PADI6: variants seen among roughly 807,000 people sequenced by gnomAD.
PADI6 encodes the protein peptidyl arginine deiminase 6.
PADI6 carries 66 observed loss-of-function variants against 78.2 expected under a neutral mutation model. That is an observed-to-expected ratio of 0.84 (90% CI 0.69 to 1.04). The LOEUF is 1.04. Among genes scored for constraint, PADI6 ranks in the 50% least tolerant of loss-of-function variants. PADI6 has a pLI of 0.00. For synonymous variants in PADI6, 397 were observed against 346.9 expected (o/e 1.14, Z -1.60); for missense variants, 854 against 866.1 (o/e 0.99, Z 0.18).
chr1:17,379,144 T>C (rs1409975293), intron 3 of PADI6, among the ~76,000 whole-genome samples: 3 of 122,362 alleles, frequency 2.5e-5, no homozygotes, highest in Non-Finnish European at 4.8e-5. Flanking sequence ...AGACGGAGTC[T>C]CGCTGTCGCC....
At chr1:17,372,960 T>G in intron 1 of PADI6, 96 bp from the exon 2 acceptor site, 1 of 1,282,262 alleles carries the variant, frequency 7.8e-7, no homozygotes, top group Non-Finnish European at 1.1e-6. Context: ...CTAAGGAGAA[T>G]GAGGATTCGG....
Position 17,394,095 on chromosome 1 carries a change from G to A in PADI6, c.1182+13G>A, listed in dbSNP as rs193052775. 6 of 1,610,240 alleles carry A rather than the reference G, an allele frequency of 3.7e-6. No homozygotes were observed. The highest frequency in any genetic ancestry group is 5.1e-6 in the Non-Finnish European group (6 of 1,176,516). On this transcript the variant is annotated intron_variant, in intron 10 of 15. Transcript: ENST00000619609. ...GAAGTACTCACTGGTGTGGAACTTGGTTTGGCTAATCTGAGCTCAGTCCAA... is the reference window on the plus strand; with the variant it reads ...GAAGTACTCACTGGTGTGGAACTTGATTTGGCTAATCTGAGCTCAGTCCAA...
At chr1:17,397,184 T>C (rs920785539) in intron 14 of PADI6, 43 bp downstream of exon 14, 1 of 1,603,190 alleles carries the variant, frequency 6.2e-7, no homozygotes, top group Admixed American at 1.7e-5. Context: ...AAAGAGCTGG[T>C]GCCGCAGGTC....
At chr1:17,387,368 C>T (rs1360261751) in intron 6 of PADI6, among the ~76,000 whole-genome samples, 1 of 151,652 alleles carries the variant, frequency 6.6e-6, no homozygotes, top group Non-Finnish European at 1.5e-5. Context: ...TTGCTTGAAC[C>T]CAGGAGATGG....
chr1:17,388,600 C>T (rs777115141), intron 7 of PADI6, 41 bp downstream of exon 7: 20 of 1,539,154 alleles, frequency 1.3e-5, no homozygotes, highest in Admixed American at 1.8e-5. Flanking sequence ...CTAGGATGCT[C>T]CGGTGGGGGA....
intron 6 of PADI6, among the ~76,000 whole-genome samples, chr1:17,384,802 T>C (rs1479103577): frequency 6.6e-6 from 1 of 152,154 alleles, no homozygotes. Flanking sequence ...ATCCTCAGAA[T>C]GGCAGTCATC....
intron 4 of PADI6, among the ~76,000 whole-genome samples, chr1:17,380,430 C>T (rs902744375): frequency 4.6e-5 from 7 of 151,838 alleles, no homozygotes; most frequent in African/African-American, 1.5e-4. Flanking sequence ...TGCAGTGGCA[C>T]GATCTCAGCT....
chr1:17,394,887 A>G (rs1195709698), intron 11 of PADI6, 64 bp from the exon 12 acceptor site: 2 of 1,485,928 alleles, frequency 1.3e-6, no homozygotes, highest in Non-Finnish European at 1.8e-6. Flanking sequence ...CATGACACCA[A>G]GTGGCGGGTG....
At chr1:17,376,605 G>A (rs999639669) in intron 3 of PADI6, among the ~76,000 whole-genome samples, 21 of 150,806 alleles carry the variant, frequency 1.4e-4, no homozygotes, top group Non-Finnish European at 2.5e-4. Context: ...TCACTGTGTT[G>A]GCCAGGCTGG....
intron 3 of PADI6, among the ~76,000 whole-genome samples, chr1:17,376,663 G>A (rs2075020799): frequency 6.6e-6 from 1 of 151,966 alleles, no homozygotes; most frequent in Non-Finnish European, 1.5e-5. Flanking sequence ...CTCCCAGAGT[G>A]TTGGGATTAC....
chr1:17,392,371 G>A, intron 9 of PADI6, 146 bp downstream of exon 9: 2 of 604,974 alleles, frequency 3.3e-6, no homozygotes, highest in Non-Finnish European at 5.9e-6. Context: ...CTTCAGTGGA[G>A]GCTCAGATGA....
intron 14 of PADI6, 38 bp from the exon 15 acceptor site, chr1:17,398,648 T>TGGGGGGGGGGGG: frequency 2.1e-5 from 4 of 193,326 alleles, no homozygotes; most frequent in African/African-American, 6.7e-5. Context: ...CTCTCCTTGC[T>TGGGGGGGGGGGG]CCCCCGCCCC....
intron 3 of PADI6, among the ~76,000 whole-genome samples, chr1:17,379,078 G>A (rs933465534): frequency 3.3e-5 from 5 of 150,936 alleles, no homozygotes; most frequent in African/African-American, 7.3e-5. Context: ...CCAAGAGGCT[G>A]GGACTACAGG....
intron 6 of PADI6, among the ~76,000 whole-genome samples, chr1:17,387,430 G>A (rs1242915173): frequency 1.4e-5 from 2 of 146,586 alleles, no homozygotes; most frequent in Non-Finnish European, 3.0e-5. Context: ...GCTCAACAGA[G>A]CAGGACTCCA....
intron 3 of PADI6, among the ~76,000 whole-genome samples, chr1:17,376,422 C>CA (rs2075016583): frequency 6.6e-6 from 1 of 152,110 alleles, no homozygotes; most frequent in Non-Finnish European, 1.5e-5. Context: ...GCCTCAGCCT[C>CA]CCGAGTAGCT....
chr1:17,397,182 G>A (rs756653434), intron 14 of PADI6, 41 bp downstream of exon 14: 1 of 1,607,012 alleles, frequency 6.2e-7, no homozygotes, highest in Non-Finnish European at 8.5e-7. Flanking sequence ...AGAAAGAGCT[G>A]GTGCCGCAGG....
intron 8 of PADI6, among the ~76,000 whole-genome samples, chr1:17,391,167 CT>C (rs1304895665): frequency 6.6e-6 from 1 of 152,172 alleles, no homozygotes; most frequent in African/African-American, 2.4e-5. Flanking sequence ...ATATTAGGGC[CT>C]TGCTGACCTC....
At chr1:17,381,019 T>C (rs772790648) in intron 4 of PADI6, 28 bp from the exon 5 acceptor site, 11 of 1,538,344 alleles carry the variant, frequency 7.2e-6, no homozygotes, top group South Asian at 1.2e-5. Context: ...GGCTCCTTCC[T>C]GAGCCAATGT....
At chr1:17,398,242 G>A (rs2075265581) in intron 14 of PADI6, among the ~76,000 whole-genome samples, 1 of 152,326 alleles carries the variant, frequency 6.6e-6, no homozygotes, top group South Asian at 2.1e-4. Context: ...AGCAGGGTGG[G>A]TGCCAGCCAG....
Sources: allele counts gnomAD v4.1 joint callset (sites outside exome capture counted in the v4.1 genomes callset), GRCh38; gene constraint gnomAD v4.1.1; transcripts MANE v1.5; gene names NCBI Gene and HGNC (gene_info 2026-07-23, HGNC 2026-07-21).